The following DST variants were observed in gnomAD, a reference collection of about 807,000 sequenced individuals.
DST encodes bullous pemphigoid antigen.
In DST, 253 loss-of-function variants were observed where a neutral mutation model predicts 875.2. The ratio of observed to expected loss-of-function variants is 0.29; its 90% CI spans 0.26 to 0.32. The LOEUF (loss-of-function observed/expected upper bound fraction) is 0.32, where lower values mean the gene tolerates loss of function less well. Among genes scored for constraint, DST ranks in the 10% least tolerant of loss-of-function variants. The pLI is 1.00. For missense variants in DST, 8,287 were observed against 9,111.6 expected (o/e 0.91, Z 3.68); for synonymous variants, 3,124 against 3,197.1 (o/e 0.98, Z 0.77).
intron 99 of DST, among the ~76,000 whole-genome samples, chr6:56,465,867 T>TAAAAAAAAAAA (rs11359681): frequency 4.4e-5 from 5 of 112,400 alleles, no homozygotes; most frequent in Non-Finnish European, 5.9e-5. Flanking sequence ...CCAGAAAAAG[T>TAAAAAAAAAAA]AAAAAAAAAA....
intron 49 of DST, among the ~76,000 whole-genome samples, chr6:56,585,245 G>A (rs903935497): frequency 6.6e-6 from 1 of 152,160 alleles, no homozygotes; most frequent in Non-Finnish European, 1.5e-5. Flanking sequence ...TCGTTGGTAA[G>A]CTATTGATTA....
In DST at chr6:56,601,666, T is replaced by C. The variant is rs2098447204; in HGVS notation, c.11318A>G (p.Lys3773Arg). Residue 3773 changes from lysine to arginine, a missense_variant, in exon 44 of 104, where the codon AAA becomes AGA. Physicochemically the swap from Lys to Arg is conservative, Grantham distance 26. This residue lies in a region of DST where 3,138 missense variants were observed against 3,116.6 expected (regional missense o/e 1.01). Transcript: ENST00000680361. ...CTGCATTTTGGTATGTCCAAGGTCT[T>C]TTAATACATTCTGTTAAAAAAGTAG... The part of the protein sequence containing the change: ...KRLEFLKNVL[K>R]DLGHTKMQLE... 6.4e-7 allele frequency: 1 copy of C among 1,568,078 alleles called. No individual in the cohort carries two copies. The highest frequency in any genetic ancestry group is 8.7e-7 in the Non-Finnish European group (1 of 1,155,938).
intron 47 of DST, among the ~76,000 whole-genome samples, chr6:56,596,674 C>G (rs1334488833): frequency 6.6e-6 from 1 of 152,032 alleles, no homozygotes; most frequent in South Asian, 2.1e-4. Flanking sequence ...CAGGGAGTAC[C>G]CTATTCCAAA....
At chr6:56,910,780 C>T (rs9464406) in intron 2 of DST, among the ~76,000 whole-genome samples, 4,538 of 152,232 alleles carry the variant, frequency 0.03, 195 homozygotes, top group African/African-American at 0.1. Context: ...CCCCCGTGCT[C>T]GGCCTGTACA....
At chr6:56,903,538 C>A (rs1262772280) in intron 2 of DST, among the ~76,000 whole-genome samples, 1 of 152,214 alleles carries the variant, frequency 6.6e-6, no homozygotes, top group Non-Finnish European at 1.5e-5. Flanking sequence ...CAGCTCACTG[C>A]AACCTCTGCC....
chr6:56,568,698 C>T, intron 54 of DST, 103 bp from the exon 55 acceptor site: 6 of 1,062,374 alleles, frequency 5.6e-6, no homozygotes, highest in Non-Finnish European at 7.8e-6. Flanking sequence ...TAATTGTAGA[C>T]CCTGATTTGT....
At chr6:56,671,520 T>C (rs1020090851) in intron 9 of DST, among the ~76,000 whole-genome samples, 2 of 152,240 alleles carry the variant, frequency 1.3e-5, no homozygotes, top group Non-Finnish European at 2.9e-5. Context: ...TTTGTTTTCA[T>C]GAAGTTTTCT....
intron 4 of DST, among the ~76,000 whole-genome samples, chr6:56,819,364 A>C (rs1166531807): frequency 6.6e-6 from 1 of 152,180 alleles, no homozygotes. Flanking sequence ...AATGCATTAA[A>C]ATATCACTAC....
chr6:56,459,180 G>C lies in DST; in HGVS notation c.23282C>G (p.Ser7761Ter), dbSNP rs759656642. ...CTGGATTTCTGAAATGTCAAAGTCT[G>C]ATGCATCACTGCCTCGGCGGCTGCT... Reference protein sequence around the residue: ...RASSRRGSDASDFDISEIQSV... With the variant: ...RASSRRGSDA The change falls in exon 104 of 104, where the codon TCA becomes TGA. Residue 7761 changes from serine to a stop codon, truncating the protein, a stop_gained. Coordinates refer to ENST00000680361, the MANE Select transcript of DST (RefSeq NM_001374736.1). LOFTEE classifies it high-confidence loss of function. The C allele has an allele frequency of 6.2e-7, 1 of 1,613,992 alleles. No individual in the cohort carries two copies. Among genetic ancestry groups the C allele is most frequent in the Non-Finnish European group, 8.5e-7 (1 of 1,179,890 alleles).
chr6:56,924,338 T>C (rs1805882130), intron 2 of DST, among the ~76,000 whole-genome samples: 2 of 152,132 alleles, frequency 1.3e-5, no homozygotes, highest in South Asian at 4.1e-4. Flanking sequence ...TAGCTCCCTA[T>C]CAGATAGCTC....
chr6:56,954,725 C>T lies in DST; in HGVS notation c.-138G>A. ...CATGCCTGGCGCTCGCGGCCCCGCG[C>T]CCAGCCCAATGGCTGCGCACCCCGC... On this transcript the variant is annotated 5_prime_UTR_variant, in exon 1 of 104. Coordinates refer to ENST00000680361, the MANE Select transcript of DST (RefSeq NM_001374736.1). The T allele has an allele frequency of 2.6e-6, 1 of 383,700 alleles. No homozygotes were observed. The highest frequency in any genetic ancestry group is 2.2e-5 in the African/African-American group (1 of 45,446). 23.8% of individuals were successfully genotyped at this position (383,700 alleles called of 1,614,324 possible).
Position 56,552,312 on chromosome 6 carries a change from G to C in DST, c.16480C>G (p.Leu5494Val). The C allele has an allele frequency of 6.2e-7, 1 of 1,613,920 alleles. No homozygotes were observed. Among genetic ancestry groups the C allele is most frequent in the Non-Finnish European group, 8.5e-7 (1 of 1,179,882 alleles). Residue 5494 changes from leucine to valine, a missense_variant, in exon 61 of 104, where the codon CTT becomes GTT. Around this residue, in one of 10 missense-constraint regions of DST, gnomAD observed 777 missense variants for 764.8 expected, o/e 1.02. Coordinates refer to ENST00000680361, the MANE Select transcript of DST (RefSeq NM_001374736.1). ...EEQVEGTIKR[L>V]EEFYSKLKEF... ...TTCAATTTGCTGTAAAATTCTTCAA[G>C]GCGCTTAATTGTCCCTTCAACCTGC...
intron 72 of DST, among the ~76,000 whole-genome samples, chr6:56,512,383 T>C (rs1000935016): frequency 6.6e-5 from 10 of 152,194 alleles, no homozygotes; most frequent in African/African-American, 2.2e-4. Context: ...TTTTCATGGG[T>C]CAAAACCAAA....
chr6:56,475,394 A>AACACACACACACACACACACAC (rs35690052), intron 92 of DST, among the ~76,000 whole-genome samples: 2 of 144,882 alleles, frequency 1.4e-5, no homozygotes, highest in African/African-American at 5.2e-5. Flanking sequence ...AGGCTTTTAA[A>AACACACACACACACACACACAC]ACACACACAC....
chr6:56,605,566 G>T lies in DST; in HGVS notation c.9062C>A (p.Thr3021Asn). Residue 3021 changes from threonine (T) to asparagine (N), a missense_variant, in exon 40 of 104, where the codon ACT (threonine) becomes AAT (asparagine). Thr to Asn is a moderately conservative substitution (Grantham distance 65, BLOSUM62 0). Around this residue, in one of 10 missense-constraint regions of DST, gnomAD observed 3,138 missense variants for 3,116.6 expected, o/e 1.01. Coordinates refer to ENST00000680361, the MANE Select transcript of DST (RefSeq NM_001374736.1). ...ESHLSLIASV[T>N]DKDPQGNGSD... is the part of the protein sequence containing the mutation. ...TCCATTTCCTTGAGGATCTTTGTCA[G>T]TTACAGAGGCTATCAATGACAAATG... 1 of 1,613,044 alleles carries T rather than the reference G, an allele frequency of 6.2e-7. No homozygotes were observed. The highest frequency in any genetic ancestry group is 8.5e-7 in the Non-Finnish European group (1 of 1,179,344).
chr6:56,480,091 G>C (rs952230036), intron 90 of DST, among the ~76,000 whole-genome samples: 1 of 152,030 alleles, frequency 6.6e-6, no homozygotes, highest in Non-Finnish European at 1.5e-5. Context: ...TTGTGTTCCC[G>C]GTAGTTGGTT....
intron 4 of DST, among the ~76,000 whole-genome samples, chr6:56,744,181 C>G (rs1489277582): frequency 6.6e-6 from 1 of 151,378 alleles, no homozygotes; most frequent in African/African-American, 2.4e-5. Flanking sequence ...AAGCTTGGCC[C>G]GATTGTTAAT....
chr6:56,875,693 T>C (rs1029622289), intron 3 of DST, among the ~76,000 whole-genome samples: 1 of 152,138 alleles, frequency 6.6e-6, no homozygotes, highest in African/African-American at 2.4e-5. Flanking sequence ...CTACAGATTA[T>C]TGGTGTCAAT....
At chr6:56,882,059 G>A (rs577061777) in intron 3 of DST, among the ~76,000 whole-genome samples, 1 of 152,258 alleles carries the variant, frequency 6.6e-6, no homozygotes, top group South Asian at 2.1e-4. Flanking sequence ...GAACTCCTGG[G>A]ACAAACGTTT....
Sources: allele counts gnomAD v4.1 joint callset (sites outside exome capture counted in the v4.1 genomes callset), GRCh38; gene constraint gnomAD v4.1.1; regional missense constraint gnomAD v4.1.1; transcripts MANE v1.5; gene names NCBI Gene and HGNC (gene_info 2026-07-23, HGNC 2026-07-21).